Variants in BMAL1 observed in about 807,000 individuals in gnomAD.
BMAL1 encodes the protein basic helix-loop-helix ARNT like 1.
the BMAL1 span, among the ~76,000 whole-genome samples, chr11:13,317,409 G>A: frequency 6.6e-6 from 1 of 151,852 alleles, no homozygotes; most frequent in Non-Finnish European, 1.5e-5. Context: ...GGCCTTTATT[G>A]GAATCTTGTC....
the BMAL1 span, among the ~76,000 whole-genome samples, chr11:13,347,708 A>G: frequency 6.6e-6 from 1 of 151,922 alleles, no homozygotes. Flanking sequence ...CAAGCCAGAC[A>G]TGGTAGTGGT....
At chr11:13,325,696 G>GTGTGTGT in the BMAL1 span, among the ~76,000 whole-genome samples, 9 of 27,254 alleles carry the variant, frequency 3.3e-4, no homozygotes, top group East Asian at 1.4e-3. Context: ...TGTGTGTGTG[G>GTGTGTGT]GCTTGAATGA....
the BMAL1 span, among the ~76,000 whole-genome samples, chr11:13,377,356 C>T: frequency 6.6e-6 from 1 of 152,318 alleles, no homozygotes; most frequent in South Asian, 2.1e-4. Flanking sequence ...TGATTTTCTG[C>T]ACTCCCCTAC....
At chr11:13,342,616 C>T in the BMAL1 span, among the ~76,000 whole-genome samples, 14 of 152,016 alleles carry the variant, frequency 9.2e-5, no homozygotes, top group Non-Finnish European at 2.1e-4. Context: ...ATTGAACCAG[C>T]ATTCCCTATA....
the BMAL1 span, chr11:13,380,951 A>G: frequency 3.7e-6 from 2 of 540,970 alleles, no homozygotes; most frequent in Admixed American, 3.2e-5. Context: ...ACCGATTCGT[A>G]TCTGTGGCTG....
the BMAL1 span, among the ~76,000 whole-genome samples, chr11:13,328,834 T>C: frequency 5.9e-5 from 9 of 152,348 alleles, no homozygotes; most frequent in African/African-American, 2.2e-4. Context: ...TGAATTCCAC[T>C]TCTATCACTT....
At chr11:13,325,657 T>TTATGTGTG in the BMAL1 span, among the ~76,000 whole-genome samples, 2 of 134,348 alleles carry the variant, frequency 1.5e-5, no homozygotes, top group African/African-American at 5.7e-5. Flanking sequence ...TTGAGACCTT[T>TTATGTGTG]TGTGTGTGTG....
At chr11:13,339,423 C>T in the BMAL1 span, among the ~76,000 whole-genome samples, 9 of 89,120 alleles carry the variant, frequency 1.0e-4, no homozygotes, top group African/African-American at 4.9e-4. Context: ...GCTTCCTGCC[C>T]TGCTTTTACA....
chr11:13,332,120 C>T, the BMAL1 span, among the ~76,000 whole-genome samples: 6 of 152,140 alleles, frequency 3.9e-5, no homozygotes, highest in African/African-American at 1.4e-4. Context: ...CCACCTACTA[C>T]AGAGAAGGTC....
the BMAL1 span, chr11:13,381,139 G>GTGTA: frequency 6.2e-7 from 1 of 1,610,444 alleles, no homozygotes; most frequent in Non-Finnish European, 8.5e-7. Flanking sequence ...AGAAAAGGCA[G>GTGTA]TGTAATTCTC....
At chr11:13,345,347 G>T in the BMAL1 span, among the ~76,000 whole-genome samples, 1 of 152,154 alleles carries the variant, frequency 6.6e-6, no homozygotes, top group African/African-American at 2.4e-5. Context: ...CCTTGCTCAG[G>T]CCTGTCCTGA....
chr11:13,278,751 C>T, the BMAL1 span, among the ~76,000 whole-genome samples: 1 of 152,244 alleles, frequency 6.6e-6, no homozygotes, highest in Non-Finnish European at 1.5e-5. Flanking sequence ...CTTGGAGTCC[C>T]AGAGCTCCGC....
the BMAL1 span, among the ~76,000 whole-genome samples, chr11:13,290,765 T>G: frequency 1.3e-5 from 2 of 152,116 alleles, no homozygotes; most frequent in Non-Finnish European, 2.9e-5. Flanking sequence ...ACATACTAAG[T>G]GTAAAAGCCA....
chr11:13,386,517 A>G, the BMAL1 span: 1 of 1,357,436 alleles, frequency 7.4e-7, no homozygotes. Context: ...CTTATTAAAA[A>G]TGTGCTTAGG....
chr11:13,374,291 T>A, the BMAL1 span: 1 of 1,241,328 alleles, frequency 8.1e-7, no homozygotes, highest in Non-Finnish European at 1.2e-6. Context: ...ATCTGTCCAC[T>A]GAGGATGTAG....
the BMAL1 span, chr11:13,376,854 GA>G: frequency 1.2e-6 from 1 of 816,384 alleles, no homozygotes; most frequent in Non-Finnish European, 1.9e-6. Flanking sequence ...GCCTCGAGGG[GA>G]TGATGTGCGG....
chr11:13,284,124 GTGTGTATATATA>G, the BMAL1 span, among the ~76,000 whole-genome samples: 35 of 106,326 alleles, frequency 3.3e-4, 4 homozygotes, highest in African/African-American at 8.6e-4. Flanking sequence ...ATATATGTGT[GTGTGTATATATA>G]TATATATGTG....
chr11:13,372,273 C>A, the BMAL1 span: 1 of 1,614,194 alleles, frequency 6.2e-7, no homozygotes, highest in African/African-American at 1.3e-5. Flanking sequence ...GGGGTGTAAC[C>A]TCAGCTGCCT....
chr11:13,326,064 G>A, the BMAL1 span, among the ~76,000 whole-genome samples: 1 of 151,946 alleles, frequency 6.6e-6, no homozygotes, highest in Non-Finnish European at 1.5e-5. Flanking sequence ...TTAGCTGGGT[G>A]TGGTGGCACA....
Sources: allele counts gnomAD v4.1 joint callset (sites outside exome capture counted in the v4.1 genomes callset), GRCh38; gene constraint gnomAD v4.1.1; transcripts MANE v1.5; gene names NCBI Gene and HGNC (gene_info 2026-07-23, HGNC 2026-07-21).